The following SCMH1 variants were observed in gnomAD, a reference collection of about 807,000 sequenced individuals.
The protein encoded by SCMH1 is polycomb protein SCMH1.
SCMH1 carries 37 observed loss-of-function variants against 70.8 expected under a neutral mutation model. The ratio of observed to expected loss-of-function variants is 0.52; its 90% CI spans 0.40 to 0.69. SCMH1 has a LOEUF of 0.69. Ranked by LOEUF, SCMH1 falls within the 30% of genes least tolerant of loss-of-function variation. The pLI is 0.00. For synonymous variants in SCMH1, 292 were observed against 307.4 expected (o/e 0.95, Z 0.52); for missense variants, 607 against 827.3 (o/e 0.73, Z 3.27).
At chr1:41,028,497 C>T in intron 14 of SCMH1, 87 bp downstream of exon 15, 1 of 1,560,556 alleles carries the variant, frequency 6.4e-7, no homozygotes, top group South Asian at 1.2e-5. Flanking sequence ...CTCTAAGCAT[C>T]CCTCCTCCCC....
chr1:41,137,665 C>G (rs562578214), intron 6 of SCMH1, among the ~76,000 whole-genome samples: 43 of 152,300 alleles, frequency 2.8e-4, no homozygotes, highest in African/African-American at 9.9e-4. Flanking sequence ...GAACAGCTTT[C>G]CTGAGCACCA....
chr1:41,236,111 T>C (rs925026718), intron 1 of SCMH1, among the ~76,000 whole-genome samples: 10 of 152,238 alleles, frequency 6.6e-5, no homozygotes, highest in African/African-American at 2.2e-4. Context: ...AGGAGTGGAA[T>C]TGCTAGATTG....
chr1:41,187,998 A>G (rs1222266342), intron 1 of SCMH1, among the ~76,000 whole-genome samples: 1 of 152,070 alleles, frequency 6.6e-6, no homozygotes, highest in East Asian at 1.9e-4. Flanking sequence ...AAATAAATAA[A>G]TAAAAATAAA....
intron 10 of SCMH1, among the ~76,000 whole-genome samples, chr1:41,059,550 C>T (rs567858984): frequency 6.6e-6 from 1 of 152,322 alleles, no homozygotes; most frequent in Non-Finnish European, 1.5e-5. Context: ...ACCTCCACCA[C>T]TCAATAAAAC....
chr1:41,047,423 G>A (rs958728227), intron 11 of SCMH1, among the ~76,000 whole-genome samples: 3 of 141,420 alleles, frequency 2.1e-5, no homozygotes, highest in Non-Finnish European at 4.5e-5. Flanking sequence ...TTGAGACGGA[G>A]TCTTGCTCTG....
intron 2 of SCMH1, among the ~76,000 whole-genome samples, chr1:41,168,536 A>C (rs999893727): frequency 6.7e-6 from 1 of 148,276 alleles, no homozygotes; most frequent in Non-Finnish European, 1.5e-5. Context: ...TTGTTATTTC[A>C]TTGTTCTTTT....
intron 8 of SCMH1, among the ~76,000 whole-genome samples, chr1:41,096,686 T>G (rs1479517231): frequency 6.6e-6 from 1 of 152,184 alleles, no homozygotes; most frequent in Admixed American, 6.6e-5. Flanking sequence ...GAAACTCTGC[T>G]CCTGTAGAGG....
At chr1:41,060,821 T>A (rs1441266371) in intron 10 of SCMH1, among the ~76,000 whole-genome samples, 1 of 152,068 alleles carries the variant, frequency 6.6e-6, no homozygotes, top group Non-Finnish European at 1.5e-5. Flanking sequence ...AATTTTTTAA[T>A]TTTTATTTTT....
chr1:41,033,748 T>A (rs1025365380), intron 13 of SCMH1, among the ~76,000 whole-genome samples: 32 of 152,158 alleles, frequency 2.1e-4, no homozygotes, highest in Non-Finnish European at 3.4e-4. Flanking sequence ...GACAAATAAT[T>A]CTAGGGCCAG....
intron 5 of SCMH1, among the ~76,000 whole-genome samples, chr1:41,150,140 G>A (rs1475528534): frequency 6.6e-6 from 1 of 152,130 alleles, no homozygotes; most frequent in Non-Finnish European, 1.5e-5. Context: ...AAATCATAGA[G>A]GTAGCTCAAC....
rs376819518 is a variant in SCMH1, at chr1:41,084,454, G to A, written c.746-9003C>T. On this transcript the variant is annotated intron_variant, in intron 8 of 14. Transcript: ENST00000337495. The stretch of plus-strand genomic sequence containing the variant: ...ACCATCTCACACCAGTTAGAATGGC[G>A]ATCATTAAAAAGTCAGGAAATAACA... Among the ~76,000 whole-genome samples, 112 of 152,244 alleles carry A rather than the reference G, an allele frequency of 7.4e-4. 1 individual carries two copies. Among genetic ancestry groups the A allele is most frequent in the Non-Finnish European group, 8.5e-4 (58 of 68,006 alleles).
At chr1:41,228,070 C>T (rs1660606957) in intron 1 of SCMH1, among the ~76,000 whole-genome samples, 1 of 152,126 alleles carries the variant, frequency 6.6e-6, no homozygotes, top group Admixed American at 6.5e-5. Context: ...ATAGGCAGCA[C>T]AGCAGAGAAA....
chr1:41,186,184 C>A lies in SCMH1; in HGVS notation c.-51G>T, dbSNP rs532324627. The A allele has an allele frequency of 3.3e-5, 32 of 984,600 alleles. No individual in the cohort carries two copies. Among genetic ancestry groups the A allele is most frequent in the Middle Eastern group, 2.0e-4 (1 of 4,926 alleles). 61.0% of individuals were successfully genotyped at this position (984,600 alleles called of 1,614,324 possible). On this transcript the variant is annotated 5_prime_UTR_variant, in exon 2 of 15. The change creates a premature stop within an existing upstream ORF in the 5' untranslated region. Transcript: ENST00000337495. ...GGGGTTAAGAAGTTTGGGATTTATC[C>A]CTGGATCCACCAATACCTTGCTCTG...
Position 41,222,803 on chromosome 1 carries a change from C to T in SCMH1, c.-118+19256G>A, listed in dbSNP as rs372559429. ...AAAGTGAGAATGGAAACTGACATTG[C>T]ATAATGGGACTGTATGATGCAGTCA... is the stretch of plus-strand genomic sequence containing the variant. On this transcript the variant is annotated intron_variant, in intron 1 of 14. Coordinates refer to ENST00000337495, the Ensembl canonical transcript of SCMH1. 2.6e-5 allele frequency among the ~76,000 whole-genome samples: 4 copies of T among 152,220 alleles called. No individual in the cohort carries two copies. The East Asian group carries it at 7.7e-4, about 29-fold the overall frequency.
chr1:41,203,713 T>C (rs1451839069), intron 1 of SCMH1, among the ~76,000 whole-genome samples: 1 of 152,256 alleles, frequency 6.6e-6, no homozygotes, highest in African/African-American at 2.4e-5. Context: ...CCACAAACAA[T>C]AGCATGAGCG....
intron 8 of SCMH1, among the ~76,000 whole-genome samples, chr1:41,093,395 T>C (rs1664192018): frequency 1.4e-5 from 2 of 139,734 alleles, no homozygotes; most frequent in Middle Eastern, 3.6e-3. Context: ...GGGGGAGGAA[T>C]AGCATTAGGA....
intron 2 of SCMH1, among the ~76,000 whole-genome samples, chr1:41,161,806 T>G (rs1325255554): frequency 6.6e-6 from 1 of 152,216 alleles, no homozygotes; most frequent in Admixed American, 6.5e-5. Context: ...ATCACAATTA[T>G]TTAAAACACT....
chr1:41,199,006 A>G (rs1029721888), intron 1 of SCMH1, among the ~76,000 whole-genome samples: 1 of 152,234 alleles, frequency 6.6e-6, no homozygotes, highest in Non-Finnish European at 1.5e-5. Flanking sequence ...AACTGGAATT[A>G]GGAAAAAGGA....
At chr1:41,200,452 C>A (rs1194356747) in intron 1 of SCMH1, among the ~76,000 whole-genome samples, 2 of 151,128 alleles carry the variant, frequency 1.3e-5, no homozygotes, top group Non-Finnish European at 2.9e-5. Context: ...TGCACTCCAG[C>A]CTGAGCGAGA....
Sources: gnomAD v4.1 joint callset for allele counts (sites outside exome capture counted in the v4.1 genomes callset) on GRCh38, gnomAD v4.1.1 for gene constraint, MANE v1.5 for transcripts, NCBI Gene and HGNC (gene_info 2026-07-23, HGNC 2026-07-21) for gene names.